INSR: variants seen among roughly 807,000 people sequenced by gnomAD.
INSR encodes insulin receptor.
INSR carries 67 observed loss-of-function variants against 142.6 expected under a neutral mutation model. The ratio of observed to expected loss-of-function variants is 0.47; its 90% CI spans 0.39 to 0.58. The LOEUF (loss-of-function observed/expected upper bound fraction) is 0.58. Ranked by LOEUF, INSR falls within the 20% of genes least tolerant of loss-of-function variation. The probability of loss-of-function intolerance (pLI) is 0.00; values close to 1 mark genes in which losing one functional copy is unlikely to be tolerated. For synonymous variants in INSR, 756 were observed against 743.1 expected, an observed-to-expected ratio of 1.02 and a Z score of -0.28; for missense variants, 1,248 against 1,833.2, an observed-to-expected ratio of 0.68 and a Z score of 5.83.
chr19:7,269,574 A>G (rs897597743), intron 1 of INSR, among the ~76,000 whole-genome samples: 8 of 152,066 alleles, frequency 5.3e-5, no homozygotes, highest in African/African-American at 1.9e-4. Context: ...CAAGAGGACA[A>G]GGATGCCAGT....
chr19:7,141,522 G>C, intron 13 of INSR, 155 bp downstream of exon 13: 1 of 1,027,288 alleles, frequency 9.7e-7, no homozygotes, highest in South Asian at 1.4e-5. Flanking sequence ...ATCTTCCTGC[G>C]AAGTCAGGTA....
At chr19:7,173,804 T>G (rs1398100978) in intron 4 of INSR, among the ~76,000 whole-genome samples, 3 of 151,480 alleles carry the variant, frequency 2.0e-5, no homozygotes, top group South Asian at 4.2e-4. Context: ...GTATTTTTAG[T>G]AGAGACAGGG....
intron 2 of INSR, among the ~76,000 whole-genome samples, chr19:7,195,636 C>T (rs1023559880): frequency 3.4e-5 from 5 of 149,078 alleles, no homozygotes; most frequent in African/African-American, 7.5e-5. Context: ...AGTAAGACTC[C>T]GCCTCAAAAA....
At chr19:7,121,125 G>A (rs1255886366) in intron 19 of INSR, among the ~76,000 whole-genome samples, 2 of 151,970 alleles carry the variant, frequency 1.3e-5, no homozygotes, top group Non-Finnish European at 2.9e-5. Flanking sequence ...AGCCTCCTGA[G>A]TAGCTAGGAT....
intron 2 of INSR, among the ~76,000 whole-genome samples, chr19:7,221,972 C>G (rs1299858779): frequency 1.3e-5 from 2 of 151,956 alleles, no homozygotes; most frequent in African/African-American, 2.4e-5. Flanking sequence ...ATATTGAGCA[C>G]CAACTGTTTA....
chr19:7,272,370 C>T lies in INSR; in HGVS notation c.101-4474G>A, dbSNP rs372882276. Reference sequence around the variant, plus strand: ...CAGTGGCTCACTCCTTTAATCCCAGCGCTTTGGGAGGCTGAGGCAGGTGGA... The same window carrying T: ...CAGTGGCTCACTCCTTTAATCCCAGTGCTTTGGGAGGCTGAGGCAGGTGGA... On this transcript the variant is annotated intron_variant, in intron 1 of 21. Transcript: ENST00000302850. Among the ~76,000 whole-genome samples the T allele has an allele frequency of 1.6e-4, 24 of 152,184 alleles. No homozygotes were observed. In the East Asian group the frequency reaches 4.3e-3, roughly 27 times the overall value.
intron 2 of INSR, among the ~76,000 whole-genome samples, chr19:7,265,357 T>A (rs757382863): frequency 3.3e-5 from 5 of 152,054 alleles, no homozygotes; most frequent in Non-Finnish European, 7.4e-5. Context: ...AGGCCCCCAG[T>A]TAGCTATTTG....
At chr19:7,196,864 C>T (rs1483578047) in intron 2 of INSR, among the ~76,000 whole-genome samples, 1 of 152,150 alleles carries the variant, frequency 6.6e-6, no homozygotes, top group Non-Finnish European at 1.5e-5. Flanking sequence ...GCGTCATGGG[C>T]CTGCTGGTAC....
intron 4 of INSR, among the ~76,000 whole-genome samples, chr19:7,172,970 T>C (rs1438409780): frequency 6.6e-6 from 1 of 151,902 alleles, no homozygotes; most frequent in African/African-American, 2.4e-5. Flanking sequence ...GTTTTGTAAA[T>C]AAAGTTTTAT....
intron 2 of INSR, 69 bp from the exon 3 acceptor site, chr19:7,184,706 A>C: frequency 1.7e-6 from 2 of 1,172,222 alleles, no homozygotes; most frequent in Non-Finnish European, 2.3e-6. Flanking sequence ...AAATAAATAA[A>C]TGGCTTTGTC....
Position 7,231,860 on chromosome 19 carries a change from C to T in INSR, c.652+35485G>A, listed in dbSNP as rs143739312. 9.2e-5 allele frequency among the ~76,000 whole-genome samples: 14 copies of T among 151,948 alleles called. 1 individual carries two copies. The highest frequency in any genetic ancestry group is 3.4e-4 in the African/African-American group (14 of 41,404). On this transcript the variant is annotated intron_variant, in intron 2 of 21. Transcript: ENST00000302850. ...CTCCTGAGCTCAAGCAATTCTCCCA[C>T]CTCAGCCTCCCGAAGTGCTGGGATT... is the stretch of plus-strand genomic sequence containing the variant.
chr19:7,270,199 C>T (rs1568230903), intron 1 of INSR, among the ~76,000 whole-genome samples: 1 of 152,178 alleles, frequency 6.6e-6, no homozygotes, highest in African/African-American at 2.4e-5. Context: ...CCACCCGCCT[C>T]AGCCTCCCAA....
At position 7,149,936 on chromosome 19, in the gene INSR, AGAAGGAAG is replaced by A. The variant is rs71177162; in HGVS notation, c.2267+553_2267+560del. On this transcript the variant is annotated intron_variant, in intron 11 of 21. Transcript: ENST00000302850. ...AAGAAAGAAAGAAGGAAAAAAAGAA[AGAAGGAAG>A]GAAGGAAGGAAGGAAGGAAGGAAGG... Among the ~76,000 whole-genome samples, 378 of 144,270 alleles carry A rather than the reference AGAAGGAAG, an allele frequency of 2.6e-3. 6 individuals are homozygous for A. The highest frequency in any genetic ancestry group is 6.2e-3 in the African/African-American group (239 of 38,762). The allele number at this position is 144,270 out of a possible 152,430, so 94.6% of individuals were successfully genotyped here.
intron 9 of INSR, among the ~76,000 whole-genome samples, chr19:7,161,423 A>T (rs981606326): frequency 3.3e-5 from 5 of 151,548 alleles, no homozygotes; most frequent in African/African-American, 9.7e-5. Context: ...CCATTTTTTT[A>T]AATTTTTTTA....
chr19:7,255,701 C>T (rs558852233), intron 2 of INSR, among the ~76,000 whole-genome samples: 47 of 152,042 alleles, frequency 3.1e-4, no homozygotes, highest in Middle Eastern at 3.4e-3. Flanking sequence ...CCTCAGACTC[C>T]TGAGTAGCTG....
chr19:7,243,064 A>C (rs967868973), intron 2 of INSR, among the ~76,000 whole-genome samples: 1 of 151,976 alleles, frequency 6.6e-6, no homozygotes, highest in African/African-American at 2.4e-5. Context: ...ACATACAAGG[A>C]GCACAGACTC....
chr19:7,255,011 C>T (rs573485086), intron 2 of INSR, among the ~76,000 whole-genome samples: 90 of 152,060 alleles, frequency 5.9e-4, no homozygotes, highest in South Asian at 3.1e-3. Flanking sequence ...CAGCCTCCCC[C>T]GGCCCCCCTC....
chr19:7,146,817 C>A (rs1302844095), intron 11 of INSR, among the ~76,000 whole-genome samples: 1 of 152,150 alleles, frequency 6.6e-6, no homozygotes, highest in Non-Finnish European at 1.5e-5. Flanking sequence ...CTTACTGAAA[C>A]TTTCAAATTT....
At chr19:7,196,800 A>G (rs1974760495) in intron 2 of INSR, among the ~76,000 whole-genome samples, 1 of 152,202 alleles carries the variant, frequency 6.6e-6, no homozygotes, top group Non-Finnish European at 1.5e-5. Flanking sequence ...AAAATACTCA[A>G]GATTTATGAT....
Sources: gnomAD v4.1 joint callset for allele counts (sites outside exome capture counted in the v4.1 genomes callset) on GRCh38, gnomAD v4.1.1 for gene constraint, MANE v1.5 for transcripts, NCBI Gene and HGNC (gene_info 2026-07-23, HGNC 2026-07-21) for gene names.